Variants in SYNE3 observed in about 807,000 individuals in gnomAD.
SYNE3 encodes the protein spectrin repeat containing nuclear envelope family member 3.
SYNE3 carries 100 observed loss-of-function variants against 111.2 expected under a neutral mutation model. The ratio of observed to expected loss-of-function variants is 0.90; its 90% CI spans 0.77 to 1.06. The LOEUF is 1.06. Among genes scored for constraint, SYNE3 ranks in the 50% least tolerant of loss-of-function variants. The pLI, the probability that SYNE3 is intolerant of heterozygous loss-of-function variation, is 0.00. For missense variants in SYNE3, 1,160 were observed against 1,240.3 expected (o/e 0.94, Z 0.97); for synonymous variants, 547 against 533.9 (o/e 1.02, Z -0.34).
At position 95,468,008 on chromosome 14, in the gene SYNE3, G is replaced by A. The variant is rs764919988; in HGVS notation, c.145-41C>T. 7.6e-6 allele frequency: 12 copies of A among 1,582,582 alleles called. No homozygotes were observed. In the African/African-American group the frequency reaches 1.3e-4, roughly 18 times the overall value. The stretch of plus-strand genomic sequence containing the variant: ...AAGCCAGTTTCCAGGGTTGGCAAAA[G>A]GCAGACAGGCACAACCTTGGGAAGA... On this transcript the variant is annotated intron_variant, in intron 2 of 17. Transcript: ENST00000682763.
intron 6 of SYNE3, among the ~76,000 whole-genome samples, chr14:95,453,818 C>A (rs17092372): frequency 0.094 from 14,279 of 152,222 alleles, 2,210 homozygotes; most frequent in African/African-American, 0.32. Flanking sequence ...CACCCAGGGC[C>A]CTCATTCCTG....
rs1888854191 is a variant in SYNE3 at position 95,475,807 on chromosome 14, G to T, written c.15C>A (p.Pro5=). Residue 5 remains proline (P), a synonymous_variant, in exon 2 of 18, where the codon CCC becomes CCA. Transcript: ENST00000682763. MTQQ[P]QDDFDRSVED... ...CCACGCTCCTGTCAAAGTCGTCCTG[G>T]GGCTGCTGAGTCATGGCACCTGCAG... 1 of 1,567,776 alleles carries T rather than the reference G, an allele frequency of 6.4e-7. No individual in the cohort carries two copies.
intron 17 of SYNE3, among the ~76,000 whole-genome samples, chr14:95,418,846 C>T (rs1325421333): frequency 6.6e-6 from 1 of 152,164 alleles, no homozygotes; most frequent in East Asian, 1.9e-4. Flanking sequence ...TCGTGATCCA[C>T]CCTCCTTGGC....
Position 95,455,725 on chromosome 14 carries a change from C to T in SYNE3, c.790-1G>A. The T allele has an allele frequency of 6.2e-7, 1 of 1,613,828 alleles. No individual in the cohort carries two copies. Among genetic ancestry groups the T allele is most frequent in the Non-Finnish European group, 8.5e-7 (1 of 1,179,988 alleles). On this transcript the variant is annotated splice_acceptor_variant, in intron 5 of 17. Transcript: ENST00000682763. LOFTEE classifies it high-confidence loss of function. ...CCCTGGGAAAATCTTTGGCAATGTC[C>T]TGAAGAGGGTAGAGGGGTGAGGGAA...
intron 1 of SYNE3, among the ~76,000 whole-genome samples, chr14:95,496,927 TC>T (rs1890117998): frequency 6.6e-6 from 1 of 152,260 alleles, no homozygotes; most frequent in Non-Finnish European, 1.5e-5. Flanking sequence ...ATGGTATTTT[TC>T]TGATCCGGAG....
rs1041887715 is a variant in SYNE3, at chr14:95,409,045, G to T, written c.*8781C>A. The T allele has an allele frequency of 2.4e-6, 1 of 420,906 alleles. No individual in the cohort carries two copies. The highest frequency in any genetic ancestry group is 4.8e-6 in the Non-Finnish European group (1 of 206,860). The allele number at this position is 420,906 out of a possible 1,614,324, so 26.1% of individuals were successfully genotyped here. ...AGGAGGAAAGCAGCATGCTGCCCCT[G>T]CTTTGGAATGTTGCCCTCCAGCTAA... On this transcript the variant is annotated 3_prime_UTR_variant, in exon 18 of 18. Coordinates refer to ENST00000682763, the MANE Select transcript of SYNE3 (RefSeq NM_152592.6).
chr14:95,449,436 A>G (rs1395472933), intron 8 of SYNE3: 2 of 985,296 alleles, frequency 2.0e-6, no homozygotes, highest in African/African-American at 1.7e-5. Flanking sequence ...GTTGTTGTTC[A>G]TGGGAGATGC....
In SYNE3 at chr14:95,500,798, C is replaced by A. The variant is rs1336897932; in HGVS notation, c.-15+15798G>T. Reference sequence around the variant, plus strand: ...GACCCTTCCTGCTGCAGCTACAGCTCCAAGGCCACCCACCCAACTGGAAGA... The same window carrying A: ...GACCCTTCCTGCTGCAGCTACAGCTACAAGGCCACCCACCCAACTGGAAGA... On this transcript the variant is annotated intron_variant, in intron 1 of 17. Coordinates refer to ENST00000682763, the MANE Select transcript of SYNE3 (RefSeq NM_152592.6). This position sits in a 1 kb window ranked among gnomAD's most constrained non-coding sequence, Gnocchi z 4.7. 5.9e-5 allele frequency among the ~76,000 whole-genome samples: 9 copies of A among 152,202 alleles called. No homozygotes were observed. Among genetic ancestry groups the A allele is most frequent in the African/African-American group, 2.2e-4 (9 of 41,450 alleles).
Position 95,412,127 on chromosome 14 carries a change from G to C in SYNE3, c.*5699C>G, listed in dbSNP as rs190212664. 5.2e-5 allele frequency: 8 copies of C among 154,618 alleles called. No individual in the cohort carries two copies. The East Asian group carries it at 1.5e-3, about 30-fold the overall frequency. The allele number at this position is 154,618 out of a possible 1,614,324, so 9.6% of individuals were successfully genotyped here. A position where few individuals can be genotyped will look rare whatever the true frequency, so the allele number is the denominator to read the frequency against. ...TTTTCCCCTCCTCTGCCATGCCCAG[G>C]TCCTCTCCCTGCCCGGCCCAGCTGC... On this transcript the variant is annotated 3_prime_UTR_variant, in exon 18 of 18. Transcript: ENST00000682763.
At chr14:95,449,374 C>A in intron 8 of SYNE3, 5 of 963,886 alleles carry the variant, frequency 5.2e-6, no homozygotes, top group Non-Finnish European at 6.2e-6. Flanking sequence ...ATTTGAAAGG[C>A]GGAAGTAGAG....
intron 1 of SYNE3, among the ~76,000 whole-genome samples, chr14:95,506,538 C>A (rs1890535237): frequency 6.6e-6 from 1 of 152,248 alleles, no homozygotes; most frequent in Non-Finnish European, 1.5e-5. Context: ...GCTGACCCAC[C>A]AGCAGCTGCG....
chr14:95,474,000 G>T (rs112891984), intron 2 of SYNE3, among the ~76,000 whole-genome samples: 2 of 144,824 alleles, frequency 1.4e-5, no homozygotes, highest in East Asian at 2.1e-4. Context: ...TGTGAGCTTG[G>T]GAGGTATGAC....
intron 1 of SYNE3, among the ~76,000 whole-genome samples, chr14:95,511,730 A>T (rs1328041365): frequency 6.6e-6 from 1 of 151,940 alleles, no homozygotes; most frequent in Non-Finnish European, 1.5e-5. Flanking sequence ...ATAAATAAAT[A>T]AATAAATTAA....
chr14:95,452,188 T>C, intron 7 of SYNE3, 59 bp downstream of exon 7: 1 of 1,483,774 alleles, frequency 6.7e-7, no homozygotes, highest in Non-Finnish European at 9.0e-7. Context: ...CTTCTGGAGA[T>C]GGGGAAATGT....
chr14:95,454,683 A>C (rs955354198), intron 6 of SYNE3, among the ~76,000 whole-genome samples: 4 of 152,252 alleles, frequency 2.6e-5, no homozygotes, highest in African/African-American at 4.8e-5. Context: ...AGGAAGAGAA[A>C]ACATATAACA....
At chr14:95,513,666 C>T (rs1890799434) in intron 1 of SYNE3, among the ~76,000 whole-genome samples, 1 of 149,150 alleles carries the variant, frequency 6.7e-6, no homozygotes, top group Admixed American at 6.7e-5. Flanking sequence ...AGGTTCCTTT[C>T]AGGATGGGAG....
chr14:95,454,343 G>A (rs1273281087), intron 6 of SYNE3, among the ~76,000 whole-genome samples: 1 of 152,244 alleles, frequency 6.6e-6, no homozygotes, highest in African/African-American at 2.4e-5. Flanking sequence ...CCACCTATTG[G>A]ATGTATAACC....
At chr14:95,439,233 T>C (rs1370295864) in intron 13 of SYNE3, 71 bp from the exon 14 acceptor site, 29 of 1,599,080 alleles carry the variant, frequency 1.8e-5, no homozygotes, top group Non-Finnish European at 2.2e-5. Context: ...GGAAAAGTAA[T>C]AGAATTGGGG....
chr14:95,469,677 C>T lies in SYNE3; in HGVS notation c.145-1710G>A, dbSNP rs913794541. On this transcript the variant is annotated intron_variant, in intron 2 of 17. Transcript: ENST00000682763. ...AGTGAGCCGTGATCAAACCACTACG[C>T]TCCAGCCTGGGTGCCACAGCGAGAC... Among the ~76,000 whole-genome samples, 5 of 151,948 alleles carry T rather than the reference C, an allele frequency of 3.3e-5. No individual in the cohort carries two copies. The East Asian group carries it at 5.8e-4, about 18-fold the overall frequency.
Sources: allele counts gnomAD v4.1 joint callset (sites outside exome capture counted in the v4.1 genomes callset), GRCh38; gene constraint gnomAD v4.1.1; non-coding constraint Gnocchi (gnomAD v3.1); transcripts MANE v1.5; gene names NCBI Gene and HGNC (gene_info 2026-07-23, HGNC 2026-07-21).